PGLYRP4: variants seen among roughly 807,000 people sequenced by gnomAD.
PGLYRP4 encodes the protein PGRP-I-beta.
PGLYRP4 carries 39 observed loss-of-function variants against 41.2 expected under a neutral mutation model. That is an observed-to-expected ratio of 0.95 (90% CI 0.73 to 1.24). The LOEUF (loss-of-function observed/expected upper bound fraction) is 1.24. Ranked by LOEUF, PGLYRP4 falls within the 50% of genes most tolerant of loss-of-function variation. PGLYRP4 has a pLI of 0.00. For missense variants in PGLYRP4, 467 were observed against 460.7 expected (o/e 1.01, Z -0.13); for synonymous variants, 202 against 186.8 (o/e 1.08, Z -0.66).
intron 8 of PGLYRP4, among the ~76,000 whole-genome samples, chr1:153,333,454 G>C (rs925745185): frequency 6.6e-6 from 1 of 151,854 alleles, no homozygotes; most frequent in Non-Finnish European, 1.5e-5. Flanking sequence ...ACAACAAAAA[G>C]CCCAGGACCA....
At chr1:153,336,045 C>CGTGTGT (rs57345412) in intron 8 of PGLYRP4, among the ~76,000 whole-genome samples, 6 of 150,360 alleles carry the variant, frequency 4.0e-5, no homozygotes, top group Non-Finnish European at 5.9e-5. Flanking sequence ...AGGGTGCGTG[C>CGTGTGT]GTGTGTGTGT....
Position 153,345,294 on chromosome 1 carries a change from C to G in PGLYRP4, c.228G>C (p.Val76=), listed in dbSNP as rs991425030. 2 of 1,614,200 alleles carry G rather than the reference C, an allele frequency of 1.2e-6. No individual in the cohort carries two copies. The highest frequency in any genetic ancestry group is 8.5e-7 in the Non-Finnish European group (1 of 1,180,024). Residue 76 remains valine, a synonymous_variant, in exon 4 of 9, where the codon GTG becomes GTC. Coordinates refer to ENST00000359650, the MANE Select transcript of PGLYRP4 (RefSeq NM_020393.4). ...VGCSIQLTTP[V]NVLVIHHVPG... ...GGACATGGTGTATAACAAGGACATT[C>G]ACTGGCGTGGTCAGCTGAATACTGC...
At position 153,343,149 on chromosome 1, in the gene PGLYRP4, A is replaced by T. The variant is rs746384340; in HGVS notation, c.413T>A (p.Val138Glu). ...YEGVGWNIQG[V>E]HTQGYNNISL... The stretch of plus-strand genomic sequence containing the variant: ...GATGTTGTTGTAGCCTTGGGTGTGC[A>T]CTCCTTGGATATTCCAGCCAACACC... The change falls in exon 5 of 9, where the codon GTG (valine) becomes GAG (glutamate). Residue 138 changes from valine to glutamate, a missense_variant. By Grantham distance (121) the Val-to-Glu change is moderately radical. Coordinates refer to ENST00000359650, the MANE Select transcript of PGLYRP4 (RefSeq NM_020393.4). 1.2e-6 allele frequency: 2 copies of T among 1,613,958 alleles called. No individual in the cohort carries two copies. The highest frequency in any genetic ancestry group is 1.7e-6 in the Non-Finnish European group (2 of 1,179,888).
Position 153,330,839 on chromosome 1 carries a change from A to G in PGLYRP4, c.1050T>C (p.Asp350=). ...GCCCAGGAGACAAGGTTCGGGCCAC[A>G]TCACTGTGGCCCACCAGCAGGTAGT... is the stretch of plus-strand genomic sequence containing the variant. ...TPNYLLVGHS[D]VARTLSPGQA... The change falls in exon 9 of 9, where the codon GAT becomes GAC. Residue 350 remains aspartate (D), a synonymous_variant. Transcript: ENST00000359650. 1 of 1,614,036 alleles carries G rather than the reference A, an allele frequency of 6.2e-7. No individual in the cohort carries two copies. Among genetic ancestry groups the G allele is most frequent in the Non-Finnish European group, 8.5e-7 (1 of 1,179,930 alleles).
At chr1:153,341,502 G>T in intron 6 of PGLYRP4, 125 bp downstream of exon 6, 1 of 839,984 alleles carries the variant, frequency 1.2e-6, no homozygotes, top group Non-Finnish European at 1.8e-6. Context: ...CAGAGAGTTG[G>T]GTGGCCAGTT....
intron 8 of PGLYRP4, 97 bp from the exon 9 acceptor site, chr1:153,331,042 T>C: frequency 6.1e-6 from 6 of 991,716 alleles, no homozygotes; most frequent in Non-Finnish European, 8.7e-6. Flanking sequence ...AGCTAATAGA[T>C]TCCACTGTTG....
At chr1:153,336,609 T>C (rs1205943947) in intron 8 of PGLYRP4, among the ~76,000 whole-genome samples, 4 of 152,142 alleles carry the variant, frequency 2.6e-5, no homozygotes, top group African/African-American at 9.7e-5. Flanking sequence ...GGATTAGGGA[T>C]AAGACGTTAT....
intron 7 of PGLYRP4, among the ~76,000 whole-genome samples, chr1:153,339,553 T>G (rs1024374340): frequency 6.6e-6 from 1 of 152,202 alleles, no homozygotes; most frequent in African/African-American, 2.4e-5. Context: ...GATTTAAAAT[T>G]TAGTGTGAAT....
intron 2 of PGLYRP4, among the ~76,000 whole-genome samples, chr1:153,347,065 G>A (rs947860045): frequency 2.6e-5 from 4 of 151,996 alleles, no homozygotes; most frequent in African/African-American, 4.8e-5. Flanking sequence ...TTTTCGTTTT[G>A]TTTTGTTTTT....
chr1:153,331,627 C>T (rs1192653973), intron 8 of PGLYRP4: 2 of 151,276 alleles, frequency 1.3e-5, no homozygotes, highest in Admixed American at 1.3e-4. Context: ...GAGTTGTTCT[C>T]ACTTTGGTAG....
At chr1:153,336,916 T>C (rs1660591345) in intron 8 of PGLYRP4, among the ~76,000 whole-genome samples, 1 of 152,088 alleles carries the variant, frequency 6.6e-6, no homozygotes. Flanking sequence ...CACAAAGATC[T>C]TTTCCCCTTA....
At chr1:153,340,696 C>CCCACCCTGCCCCCAA in intron 6 of PGLYRP4, 117 bp from the exon 7 acceptor site, 3 of 942,292 alleles carry the variant, frequency 3.2e-6, no homozygotes, top group Non-Finnish European at 4.8e-6. Flanking sequence ...CTCTGGGTCT[C>CCCACCCTGCCCCCAA]CCACCCTGCC....
chr1:153,333,087 CA>C (rs1001847248), intron 8 of PGLYRP4, among the ~76,000 whole-genome samples: 3 of 142,342 alleles, frequency 2.1e-5, no homozygotes, highest in East Asian at 2.0e-4. Flanking sequence ...TATATGAGAC[CA>C]AAAAAAAAGA....
chr1:153,333,980 T>A (rs974762937), intron 8 of PGLYRP4, among the ~76,000 whole-genome samples: 1 of 152,054 alleles, frequency 6.6e-6, no homozygotes, highest in Non-Finnish European at 1.5e-5. Context: ...GTTGAAAACA[T>A]TCCCCCTAAG....
At position 153,341,089 on chromosome 1, in the gene PGLYRP4, C is replaced by T. The variant is rs1236128110; in HGVS notation, c.626-510G>A. On this transcript the variant is annotated intron_variant, in intron 6 of 8. Coordinates refer to ENST00000359650, the MANE Select transcript of PGLYRP4 (RefSeq NM_020393.4). ...GTTTTCTGCAGCACTTCAGTCTATT[C>T]GTGTTGTTTTGGTTTTTGTATTCAG... Among the ~76,000 whole-genome samples, 9 of 152,186 alleles carry T rather than the reference C, an allele frequency of 5.9e-5. No individual in the cohort carries two copies. The South Asian group carries it at 6.2e-4, about 11-fold the overall frequency.
chr1:153,341,694 A>AT lies in PGLYRP4; in HGVS notation c.557dup (p.Tyr186Ter), dbSNP rs559435719. The AT allele has an allele frequency of 1.6e-3, 2,617 of 1,614,004 alleles. 1 individual carries two copies. The highest frequency in any genetic ancestry group is 2.0e-3 in the Non-Finnish European group (2,407 of 1,180,000). The change falls in exon 6 of 9, where the codon TAT becomes TAAT. Residue 186 changes from tyrosine (Y) to a stop codon, truncating the protein, a stop_gained and frameshift_variant. Coordinates refer to ENST00000359650, the MANE Select transcript of PGLYRP4 (RefSeq NM_020393.4). LOFTEE classifies it high-confidence loss of function. ...CGCCTTTCCCAAGAAGTGGCTGAAC[A>AT]TAACTGGATGACAGGTGGCCCTTCT... ...AVQKGHLSSS[Y>*]VQPLLGKGEN...
At chr1:153,335,622 G>A (rs1660523492) in intron 8 of PGLYRP4, among the ~76,000 whole-genome samples, 1 of 150,078 alleles carries the variant, frequency 6.7e-6, no homozygotes, top group African/African-American at 2.5e-5. Context: ...CTACTCGGGA[G>A]GCTGAGGCAG....
At position 153,341,687 on chromosome 1, in the gene PGLYRP4, G is replaced by A. The variant is rs1299825372; in HGVS notation, c.565C>T (p.Pro189Ser). 1 of 1,613,860 alleles carries A rather than the reference G, an allele frequency of 6.2e-7. No homozygotes were observed. The highest frequency in any genetic ancestry group is 1.7e-5 in the Admixed American group (1 of 60,034). Residue 189 changes from proline to serine, a missense_variant, in exon 6 of 9, where the codon CCA becomes TCA. Physicochemically the swap from Pro to Ser is moderately conservative, Grantham distance 74 (BLOSUM62 -1). Transcript: ENST00000359650. ...CAGTTCTCGCCTTTCCCAAGAAGTG[G>A]CTGAACATAACTGGATGACAGGTGG... ...KGHLSSSYVQ[P>S]LLGKGENCLA...
chr1:153,338,795 C>T (rs1660674211), intron 7 of PGLYRP4, among the ~76,000 whole-genome samples: 1 of 152,188 alleles, frequency 6.6e-6, no homozygotes, highest in South Asian at 2.1e-4. Flanking sequence ...TTCCTTCACG[C>T]CTATTTTCCT....
Sources: gnomAD v4.1 joint callset for allele counts (sites outside exome capture counted in the v4.1 genomes callset) on GRCh38, gnomAD v4.1.1 for gene constraint, MANE v1.5 for transcripts, NCBI Gene and HGNC (gene_info 2026-07-23, HGNC 2026-07-21) for gene names.